TDRP: variants seen among roughly 807,000 people sequenced by gnomAD.
The protein encoded by TDRP is testis development-related protein.
A neutral mutation model predicts 10.5 loss-of-function variants in TDRP; 12 were observed. The observed-to-expected ratio is 1.15, with a 90% confidence interval of 0.73 to 1.86. The LOEUF is 1.86. Ranked by LOEUF, TDRP falls within the 40% of genes most tolerant of loss-of-function variation. TDRP has a pLI of 0.00. For synonymous variants in TDRP, 139 were observed against 95.4 expected (o/e 1.46, Z -2.67); for missense variants, 353 against 229.2 (o/e 1.54, Z -3.49).
At chr8:521,987 T>C (rs1801917741) in intron 1 of TDRP, among the ~76,000 whole-genome samples, 1 of 152,224 alleles carries the variant, frequency 6.6e-6, no homozygotes, top group Admixed American at 6.5e-5. Flanking sequence ...GTTTTATTAA[T>C]TGTTTTCTTA....
At chr8:512,225 C>T (rs974875843) in intron 1 of TDRP, among the ~76,000 whole-genome samples, 1 of 151,750 alleles carries the variant, frequency 6.6e-6, no homozygotes, top group Admixed American at 6.6e-5. Flanking sequence ...AGACTGAGAC[C>T]ATCCTGGCCA....
intron 1 of TDRP, among the ~76,000 whole-genome samples, chr8:514,463 A>C (rs1041127588): frequency 2.6e-5 from 4 of 152,186 alleles, no homozygotes; most frequent in Non-Finnish European, 5.9e-5. Flanking sequence ...TGCCACCCAC[A>C]CAACCACAAA....
At chr8:542,891 G>A (rs973696019) in intron 1 of TDRP, among the ~76,000 whole-genome samples, 1 of 149,388 alleles carries the variant, frequency 6.7e-6, no homozygotes, top group Admixed American at 6.7e-5. Flanking sequence ...GATGACAATT[G>A]TGTAAAGGGA....
At chr8:500,672 T>C (rs1801268170) in intron 1 of TDRP, among the ~76,000 whole-genome samples, 1 of 152,252 alleles carries the variant, frequency 6.6e-6, no homozygotes, top group Non-Finnish European at 1.5e-5. Context: ...TTCTGAATTA[T>C]CCCAATAAAG....
rs571780348 is a variant in TDRP, at chr8:527,149, C to A, written c.108+17501G>T. On this transcript the variant is annotated intron_variant, in intron 1 of 2. Coordinates refer to ENST00000324079, the MANE Select transcript of TDRP (RefSeq NM_001384899.1). ...TTTCTATACACCAAAAGCAGACAATCTGAAAAAATAAAATTAAAAAAGTAC... is the reference window on the plus strand; with the variant it reads ...TTTCTATACACCAAAAGCAGACAATATGAAAAAATAAAATTAAAAAAGTAC... Among the ~76,000 whole-genome samples the A allele has an allele frequency of 2.0e-5, 3 of 151,944 alleles. No homozygotes were observed. The East Asian group carries it at 5.8e-4, about 29-fold the overall frequency.
Position 492,164 on chromosome 8 carries a change from G to T in TDRP, c.*235C>A. 1 of 1,255,568 alleles carries T rather than the reference G, an allele frequency of 8.0e-7. No individual in the cohort carries two copies. Among genetic ancestry groups the T allele is most frequent in the Non-Finnish European group, 1.0e-6 (1 of 1,002,710 alleles). The allele number at this position is 1,255,568 out of a possible 1,614,324, so 77.8% of individuals were successfully genotyped here. On this transcript the variant is annotated 3_prime_UTR_variant, in exon 3 of 3. Transcript: ENST00000324079. ...ACATCTCCAGTTTCTGCAAAACATG[G>T]ACTGATAGGTGAATATTTCTGCAAT...
At chr8:528,062 G>GA (rs1802082443) in intron 1 of TDRP, among the ~76,000 whole-genome samples, 2 of 152,058 alleles carry the variant, frequency 1.3e-5, no homozygotes, top group South Asian at 4.2e-4. Context: ...ACATCTATAG[G>GA]AAAAAACCTA....
chr8:534,130 C>G (rs1200383679), intron 1 of TDRP, among the ~76,000 whole-genome samples: 1 of 151,970 alleles, frequency 6.6e-6, no homozygotes, highest in Non-Finnish European at 1.5e-5. Flanking sequence ...GAATATAAAC[C>G]CAGAGAAACT....
At chr8:520,362 C>G (rs1368793140) in intron 1 of TDRP, among the ~76,000 whole-genome samples, 3 of 152,198 alleles carry the variant, frequency 2.0e-5, no homozygotes, top group Non-Finnish European at 2.9e-5. Context: ...CATCCACAGA[C>G]ATGGAGGCTG....
intron 1 of TDRP, among the ~76,000 whole-genome samples, chr8:506,124 C>T (rs993960402): frequency 2.6e-5 from 4 of 152,066 alleles, no homozygotes; most frequent in African/African-American, 7.2e-5. Context: ...TTTCAAGAAA[C>T]GAATACTCCA....
chr8:543,701 T>C (rs1446131799), intron 1 of TDRP, among the ~76,000 whole-genome samples: 1 of 152,168 alleles, frequency 6.6e-6, no homozygotes, highest in African/African-American at 2.4e-5. Flanking sequence ...AGAAAATCTC[T>C]ATCAAGAAGA....
intron 1 of TDRP, among the ~76,000 whole-genome samples, chr8:503,732 A>ATG (rs1194682975): frequency 4.5e-5 from 6 of 133,712 alleles, no homozygotes; most frequent in Admixed American, 3.0e-4. Context: ...GCTACACATC[A>ATG]GAACCCGTGC....
chr8:525,567 A>G (rs749094397), intron 1 of TDRP, among the ~76,000 whole-genome samples: 8 of 152,216 alleles, frequency 5.3e-5, no homozygotes, highest in Non-Finnish European at 1.0e-4. Context: ...GTGGAACTGT[A>G]GAGTTTTTAC....
intron 2 of TDRP, among the ~76,000 whole-genome samples, chr8:493,760 G>T (rs1801047704): frequency 1.3e-5 from 2 of 151,628 alleles, no homozygotes; most frequent in South Asian, 4.2e-4. Flanking sequence ...TTTTAACAGT[G>T]TTTTTTTTGG....
intron 1 of TDRP, among the ~76,000 whole-genome samples, chr8:537,776 T>G (rs1172404731): frequency 6.6e-6 from 1 of 152,190 alleles, no homozygotes; most frequent in African/African-American, 2.4e-5. Flanking sequence ...AGCTGTCACC[T>G]GACTCCAAGT....
intron 1 of TDRP, among the ~76,000 whole-genome samples, chr8:496,900 G>C (rs76478160): frequency 0.054 from 8,265 of 152,280 alleles, 307 homozygotes; most frequent in Middle Eastern, 0.11. Context: ...CGCCATGTAA[G>C]ACATGCCTAG....
At chr8:494,434 C>T in intron 2 of TDRP, 60 bp downstream of exon 2, 2 of 1,523,008 alleles carry the variant, frequency 1.3e-6, no homozygotes, top group Non-Finnish European at 1.8e-6. Context: ...TCATTTCCAC[C>T]TCCTCAGTGA....
intron 1 of TDRP, among the ~76,000 whole-genome samples, chr8:498,206 A>T (rs566227291): frequency 1.1e-4 from 16 of 152,296 alleles, no homozygotes; most frequent in African/African-American, 3.6e-4. Flanking sequence ...CGAACCATGC[A>T]CCTGAAAAAG....
In TDRP at chr8:512,934, T is replaced by C. The variant is rs569781936; in HGVS notation, c.109-18337A>G. On this transcript the variant is annotated intron_variant, in intron 1 of 2. Coordinates refer to ENST00000324079, the MANE Select transcript of TDRP (RefSeq NM_001384899.1). ...TTGCAGTGAGCCAAGATTGTGACAC[T>C]GCACTCCAGCCTGGGTGACAGAGCA... Among the ~76,000 whole-genome samples, 34 of 150,486 alleles carry C rather than the reference T, an allele frequency of 2.3e-4. No individual in the cohort carries two copies. The East Asian group carries it at 4.5e-3, about 20-fold the overall frequency.
Sources: allele counts gnomAD v4.1 joint callset (sites outside exome capture counted in the v4.1 genomes callset), GRCh38; gene constraint gnomAD v4.1.1; transcripts MANE v1.5; gene names NCBI Gene and HGNC (gene_info 2026-07-23, HGNC 2026-07-21).